HCN1: variants seen among roughly 807,000 people sequenced by gnomAD.
HCN1 encodes the protein potassium/sodium hyperpolarization-activated cyclic nucleotide-gated channel 1.
A neutral mutation model predicts 78.9 loss-of-function variants in HCN1; 13 were observed. The ratio of observed to expected loss-of-function variants is 0.16; its 90% CI spans 0.11 to 0.26. The LOEUF is 0.26. Among genes scored for constraint, HCN1 ranks in the 10% least tolerant of loss-of-function variants. The pLI is 1.00. For missense variants in HCN1, 810 were observed against 1,154.3 expected (o/e 0.70, Z 4.32); for synonymous variants, 552 against 455.5 (o/e 1.21, Z -2.70).
intron 2 of HCN1, among the ~76,000 whole-genome samples, chr5:45,503,751 C>T (rs993977621): frequency 3.0e-4 from 45 of 149,696 alleles, no homozygotes; most frequent in Admixed American, 2.7e-4. Context: ...AATTATTATT[C>T]CCCCCTCCCC....
At chr5:45,373,634 T>C (rs1384424848) in intron 4 of HCN1, among the ~76,000 whole-genome samples, 1 of 135,248 alleles carries the variant, frequency 7.4e-6, no homozygotes, top group African/African-American at 2.8e-5. Flanking sequence ...ACATACGGTA[T>C]ATACGTCATC....
At chr5:45,469,723 T>A (rs1194013124) in intron 2 of HCN1, among the ~76,000 whole-genome samples, 1 of 151,978 alleles carries the variant, frequency 6.6e-6, no homozygotes. Context: ...AAGGCAGTGT[T>A]CTTTTCATTG....
chr5:45,694,843 G>A (rs1561247992), intron 1 of HCN1, among the ~76,000 whole-genome samples: 1 of 152,190 alleles, frequency 6.6e-6, no homozygotes, highest in South Asian at 2.1e-4. Context: ...TCTCCAAAGC[G>A]GAGTTTTCCT....
chr5:45,455,924 G>A (rs921087644), intron 3 of HCN1, among the ~76,000 whole-genome samples: 6 of 151,866 alleles, frequency 4.0e-5, no homozygotes, highest in African/African-American at 1.4e-4. Flanking sequence ...TGGAAAGCAC[G>A]TGGCTATTTG....
chr5:45,626,666 C>A (rs1351931641), intron 2 of HCN1, among the ~76,000 whole-genome samples: 1 of 151,840 alleles, frequency 6.6e-6, no homozygotes, highest in Non-Finnish European at 1.5e-5. Context: ...TAAGGAAGGA[C>A]CAAGCGTCAA....
At chr5:45,362,616 A>T (rs1747140510) in intron 4 of HCN1, among the ~76,000 whole-genome samples, 1 of 152,056 alleles carries the variant, frequency 6.6e-6, no homozygotes, top group South Asian at 2.1e-4. Flanking sequence ...ACTCAACTAA[A>T]CCTTTTACTC....
chr5:45,418,155 G>T (rs1044140219), intron 3 of HCN1, among the ~76,000 whole-genome samples: 5 of 151,706 alleles, frequency 3.3e-5, no homozygotes, highest in African/African-American at 1.2e-4. Context: ...AGATACAAAT[G>T]CATTTTCGTT....
chr5:45,608,770 AACTG>A (rs970029234), intron 2 of HCN1, among the ~76,000 whole-genome samples: 2 of 152,166 alleles, frequency 1.3e-5, no homozygotes, highest in South Asian at 2.1e-4. Context: ...AATATTAATA[AACTG>A]ACTACTATCA....
intron 5 of HCN1, among the ~76,000 whole-genome samples, chr5:45,349,262 C>G (rs1182836790): frequency 1.3e-5 from 2 of 152,150 alleles, no homozygotes; most frequent in Non-Finnish European, 2.9e-5. Context: ...ACAACCTGCT[C>G]CTGAATGACT....
chr5:45,369,029 G>T (rs892087280), intron 4 of HCN1, among the ~76,000 whole-genome samples: 2 of 151,054 alleles, frequency 1.3e-5, no homozygotes, highest in African/African-American at 4.9e-5. Context: ...GATCTGTTTT[G>T]TTGTCACTCT....
At chr5:45,352,138 A>G (rs974027290) in intron 5 of HCN1, among the ~76,000 whole-genome samples, 6 of 152,208 alleles carry the variant, frequency 3.9e-5, no homozygotes, top group African/African-American at 1.4e-4. Context: ...AATGTCCAAC[A>G]AGGATAGACT....
chr5:45,350,672 C>G lies in HCN1; in HGVS notation c.1377+2428G>C, dbSNP rs879454297. On this transcript the variant is annotated intron_variant, in intron 5 of 7. Transcript: ENST00000303230. ...TCCTTAAGCTGATAAGCAACTTCAG[C>G]AAAGTCTCAGGATACAAAATCAATG... 2.4e-3 allele frequency among the ~76,000 whole-genome samples: 364 copies of G among 150,984 alleles called. 8 individuals carry two copies. Among genetic ancestry groups the G allele is most frequent in the East Asian group, 0.019 (96 of 5,152 alleles).
At chr5:45,285,125 A>AT (rs954541140) in intron 6 of HCN1, among the ~76,000 whole-genome samples, 3 of 151,886 alleles carry the variant, frequency 2.0e-5, no homozygotes, top group African/African-American at 4.8e-5. Context: ...GCTCCATATA[A>AT]TTTTTTTCTT....
At chr5:45,667,879 C>T (rs1025874325) in intron 1 of HCN1, among the ~76,000 whole-genome samples, 1 of 151,886 alleles carries the variant, frequency 6.6e-6, no homozygotes, top group Non-Finnish European at 1.5e-5. Flanking sequence ...ATTTTCATTG[C>T]ATTTTCTCAC....
At chr5:45,616,265 A>G (rs1337168634) in intron 2 of HCN1, among the ~76,000 whole-genome samples, 1 of 151,980 alleles carries the variant, frequency 6.6e-6, no homozygotes, top group East Asian at 1.9e-4. Context: ...CTTATAATCT[A>G]TGAGATCACC....
intron 4 of HCN1, among the ~76,000 whole-genome samples, chr5:45,395,917 G>C (rs1430353528): frequency 6.6e-6 from 1 of 152,016 alleles, no homozygotes; most frequent in Non-Finnish European, 1.5e-5. Context: ...GAAAAGTTTA[G>C]AGCAGCAATC....
chr5:45,523,192 C>T (rs2111784212), intron 2 of HCN1, among the ~76,000 whole-genome samples: 1 of 152,268 alleles, frequency 6.6e-6, no homozygotes, highest in East Asian at 1.9e-4. Context: ...ATGAACTCAT[C>T]ATTTCTTATG....
intron 5 of HCN1, among the ~76,000 whole-genome samples, chr5:45,320,708 A>G (rs965467016): frequency 2.0e-5 from 3 of 151,742 alleles, no homozygotes; most frequent in African/African-American, 7.3e-5. Flanking sequence ...ATATTAACCA[A>G]CAATTTGTTT....
chr5:45,671,836 C>G (rs1480934205), intron 1 of HCN1, among the ~76,000 whole-genome samples: 1 of 151,430 alleles, frequency 6.6e-6, no homozygotes, highest in Non-Finnish European at 1.5e-5. Flanking sequence ...TGTCAAAAAT[C>G]TGTTATTGTT....
Sources: allele counts gnomAD v4.1 joint callset (sites outside exome capture counted in the v4.1 genomes callset), GRCh38; gene constraint gnomAD v4.1.1; transcripts MANE v1.5; gene names NCBI Gene and HGNC (gene_info 2026-07-23, HGNC 2026-07-21).